ACSBG2: variants seen among roughly 807,000 people sequenced by gnomAD.
ACSBG2 encodes the protein long-chain-fatty-acid--CoA ligase ACSBG2.
A neutral mutation model predicts 74.7 loss-of-function variants in ACSBG2; 62 were observed. The observed-to-expected ratio is 0.83, with a 90% CI of 0.68 to 1.03. The LOEUF (loss-of-function observed/expected upper bound fraction) is 1.03. Among genes scored for constraint, ACSBG2 ranks in the 50% least tolerant of loss-of-function variants. The pLI, the probability that ACSBG2 is intolerant of heterozygous loss-of-function variation, is 0.00. For synonymous variants in ACSBG2, 309 were observed against 294.1 expected (o/e 1.05, Z -0.52); for missense variants, 730 against 817.6 (o/e 0.89, Z 1.31).
intron 1 of ACSBG2, among the ~76,000 whole-genome samples, chr19:6,138,712 GGAAA>G (rs1291150230): frequency 6.7e-6 from 1 of 148,664 alleles, no homozygotes; most frequent in Non-Finnish European, 1.5e-5. Context: ...AACGAAGGGA[GGAAA>G]GAAGGAAGGG....
intron 5 of ACSBG2, among the ~76,000 whole-genome samples, chr19:6,159,603 C>T (rs1300235105): frequency 1.3e-5 from 2 of 152,162 alleles, no homozygotes; most frequent in South Asian, 4.1e-4. Flanking sequence ...GATTCAAAAC[C>T]AGGTTCCTGA....
rs1447963591 is a variant in ACSBG2, at chr19:6,189,001, GTTTT to G, written c.1927+1159_1927+1162del. Among the ~76,000 whole-genome samples the G allele has an allele frequency of 3.9e-5, 6 of 152,238 alleles. No individual in the cohort carries two copies. In the East Asian group the frequency reaches 7.7e-4, roughly 20 times the overall value. On this transcript the variant is annotated intron_variant, in intron 13 of 14. Transcript: ENST00000588485. The stretch of plus-strand genomic sequence containing the variant: ...AAGGGGAACTATATCTTGTGATTGG[GTTTT>G]TTGTGTGTGTGTGATTCTGGGGCAA...
intron 7 of ACSBG2, among the ~76,000 whole-genome samples, chr19:6,168,221 C>T (rs1600090999): frequency 6.6e-6 from 1 of 152,264 alleles, no homozygotes; most frequent in East Asian, 1.9e-4. Flanking sequence ...TGCTGTTCCT[C>T]CAACACACCA....
At chr19:6,162,635 T>G (rs557562896) in intron 6 of ACSBG2, among the ~76,000 whole-genome samples, 2 of 151,920 alleles carry the variant, frequency 1.3e-5, no homozygotes, top group Admixed American at 1.3e-4. Context: ...GCAACAGTCT[T>G]AAGTCTCGGA....
At chr19:6,136,979 C>CT (rs935700295) in intron 1 of ACSBG2, among the ~76,000 whole-genome samples, 25 of 152,280 alleles carry the variant, frequency 1.6e-4, no homozygotes, top group Admixed American at 4.6e-4. Context: ...TTCCAGGCTC[C>CT]TTTTTTGTGA....
chr19:6,177,811 A>G (rs2090127987), intron 8 of ACSBG2, among the ~76,000 whole-genome samples: 1 of 151,244 alleles, frequency 6.6e-6, no homozygotes, highest in Admixed American at 6.6e-5. Context: ...GCATCCATGT[A>G]TGGTTATGTA....
In ACSBG2 at chr19:6,185,495, T is replaced by C. The variant is rs143405303; in HGVS notation, c.1382T>C (p.Ile461Thr). The change falls in exon 11 of 15, where the codon ATT becomes ACT. Residue 461 changes from isoleucine to threonine, a missense_variant. Transcript: ENST00000588485. ...CTGTTCCAGCAGAACAAGGATGGCA[T>C]TGGGGAGATCTGCCTCTGGGGTAGG... ...NMLFQQNKDG[I>T]GEICLWGRHI... The C allele has an allele frequency of 1.7e-3, 2,736 of 1,614,156 alleles. 6 individuals carry two copies. Among genetic ancestry groups the C allele is most frequent in the Non-Finnish European group, 2.1e-3 (2,522 of 1,180,020 alleles).
At chr19:6,176,947 G>C (rs1600107435) in intron 7 of ACSBG2, among the ~76,000 whole-genome samples, 1 of 151,934 alleles carries the variant, frequency 6.6e-6, no homozygotes, top group East Asian at 1.9e-4. Flanking sequence ...CTGGAGGCCA[G>C]GAGTTTGAGG....
intron 2 of ACSBG2, among the ~76,000 whole-genome samples, chr19:6,142,916 T>C (rs2145003998): frequency 6.6e-6 from 1 of 152,110 alleles, no homozygotes. Context: ...AAGGGTGGAA[T>C]ATTCATCTAA....
rs1343359946 is a variant in ACSBG2 at position 6,180,163 on chromosome 19, G to A, written c.907-2588G>A. ...GACATTGGGCCACCCAGATCATCCAGGATGATCTCCCATCTCAAGATTCTT... is the reference window on the plus strand; with the variant it reads ...GACATTGGGCCACCCAGATCATCCAAGATGATCTCCCATCTCAAGATTCTT... On this transcript the variant is annotated intron_variant, in intron 8 of 14. Coordinates refer to ENST00000588485, the MANE Select transcript of ACSBG2 (RefSeq NM_030924.5). This position sits in a 1 kb window ranked among gnomAD's most constrained non-coding sequence, Gnocchi z 4.3. Among the ~76,000 whole-genome samples the A allele has an allele frequency of 6.6e-6, 1 of 152,024 alleles. No individual in the cohort carries two copies. Among genetic ancestry groups the A allele is most frequent in the African/African-American group, 2.4e-5 (1 of 41,368 alleles).
intron 11 of ACSBG2, 73 bp downstream of exon 11, chr19:6,185,726 C>A: frequency 2.0e-6 from 3 of 1,521,540 alleles, no homozygotes; most frequent in South Asian, 1.2e-5. Flanking sequence ...CCCAGGGTAC[C>A]AGCACGAAGG....
At chr19:6,165,681 G>A (rs1370110186) in intron 6 of ACSBG2, among the ~76,000 whole-genome samples, 185 bp from the exon 7 acceptor site, 1 of 152,208 alleles carries the variant, frequency 6.6e-6, no homozygotes, top group Non-Finnish European at 1.5e-5. Flanking sequence ...GTGACGCTGC[G>A]AGGAAGTGGC....
rs761058001 is a variant in ACSBG2, at chr19:6,185,539, C to T, written c.1426C>T (p.Leu476=). The T allele has an allele frequency of 6.2e-7, 1 of 1,614,162 alleles. No homozygotes were observed. Among genetic ancestry groups the T allele is most frequent in the Non-Finnish European group, 8.5e-7 (1 of 1,180,028 alleles). The change falls in exon 11 of 15, where the codon CTG becomes TTG. Residue 476 remains leucine, a synonymous_variant. Coordinates refer to ENST00000588485, the MANE Select transcript of ACSBG2 (RefSeq NM_030924.5). ...GGGTAGGCACATCTTCATGGGCTAT[C>T]TGGAAAGTGAGACTGAAACTACAGA... ...LWGRHIFMGY[L]ESETETTEAI...
chr19:6,188,495 G>C (rs2090467431), intron 13 of ACSBG2, among the ~76,000 whole-genome samples: 1 of 152,072 alleles, frequency 6.6e-6, no homozygotes, highest in Admixed American at 6.6e-5. Context: ...ACAAAAATTA[G>C]CTGGGTATGG....
chr19:6,154,402 A>AAGAGAGAGAG (rs547084046), intron 4 of ACSBG2, among the ~76,000 whole-genome samples: 1,917 of 83,212 alleles, frequency 0.023, 15 homozygotes, highest in East Asian at 0.036. Context: ...CCGTCTCAAA[A>AAGAGAGAGAG]AGAGAGAGAG....
chr19:6,170,499 C>A (rs1466241049), intron 7 of ACSBG2, among the ~76,000 whole-genome samples: 2 of 151,906 alleles, frequency 1.3e-5, no homozygotes, highest in African/African-American at 4.8e-5. Flanking sequence ...ATTTGTTTAC[C>A]CAAAAGTCAT....
At chr19:6,181,455 G>C (rs1233859833) in intron 8 of ACSBG2, among the ~76,000 whole-genome samples, 2 of 152,074 alleles carry the variant, frequency 1.3e-5, no homozygotes, top group African/African-American at 4.8e-5. Context: ...TATATATTCT[G>C]GTTACAAATC....
chr19:6,173,877 C>T (rs1470449732), intron 7 of ACSBG2, among the ~76,000 whole-genome samples: 1 of 151,894 alleles, frequency 6.6e-6, no homozygotes, highest in East Asian at 1.9e-4. Context: ...GGGCTCTGGG[C>T]AGGGTCATGC....
chr19:6,165,752 G>T, intron 6 of ACSBG2, 114 bp from the exon 7 acceptor site: 1 of 1,318,052 alleles, frequency 7.6e-7, no homozygotes. Context: ...CACATCCTAA[G>T]CCCTTCCACC....
Sources: allele counts gnomAD v4.1 joint callset (sites outside exome capture counted in the v4.1 genomes callset), GRCh38; gene constraint gnomAD v4.1.1; non-coding constraint Gnocchi (gnomAD v3.1); transcripts MANE v1.5; gene names NCBI Gene and HGNC (gene_info 2026-07-23, HGNC 2026-07-21).